Variants in ATP8A2 observed in about 807,000 individuals in gnomAD.
ATP8A2 encodes ATPase phospholipid transporting 8A2.
Under a neutral mutation model 165.6 loss-of-function variants are expected in ATP8A2, and 100 were observed. The observed-to-expected ratio is 0.60, with a 90% CI of 0.51 to 0.71. The LOEUF (loss-of-function observed/expected upper bound fraction) is 0.71, where lower values mean the gene tolerates loss of function less well. Ranked by LOEUF, ATP8A2 falls within the 30% of genes least tolerant of loss-of-function variation. The pLI, the probability that ATP8A2 is intolerant of heterozygous loss-of-function variation, is 0.00. For missense variants in ATP8A2, 1,227 were observed against 1,479.5 expected (o/e 0.83, Z 2.80); for synonymous variants, 543 against 548.8 (o/e 0.99, Z 0.15).
At chr13:25,984,608 AAACAAACAAAAAC>A (rs1301366374) in intron 35 of ATP8A2, among the ~76,000 whole-genome samples, 4 of 149,246 alleles carry the variant, frequency 2.7e-5, no homozygotes, top group African/African-American at 1.0e-4. Context: ...AAAAAAAAAA[AAACAAACAAAAAC>A]AACAAACAAA....
chr13:25,436,951 A>AT (rs1404022897), intron 1 of ATP8A2, among the ~76,000 whole-genome samples: 2 of 151,512 alleles, frequency 1.3e-5, no homozygotes, highest in East Asian at 1.9e-4. Context: ...TAATTTTTGT[A>AT]TTTTTTGTAG....
chr13:25,669,006 T>C (rs58895640), intron 24 of ATP8A2, among the ~76,000 whole-genome samples: 5,318 of 152,316 alleles, frequency 0.035, 157 homozygotes, highest in East Asian at 0.13. Flanking sequence ...AATTTAAAGT[T>C]GTTGTCTAGT....
chr13:26,024,562 C>T lies in ATP8A2; in HGVS notation c.*4577C>T, dbSNP rs574007708. The T allele has an allele frequency of 3.3e-5, 5 of 152,260 alleles. No homozygotes were observed. The highest frequency in any genetic ancestry group is 4.4e-5 in the Non-Finnish European group (3 of 68,094). The allele number at this position is 152,260 out of a possible 1,614,324, so 9.4% of individuals were successfully genotyped here. On this transcript the variant is annotated 3_prime_UTR_variant, in exon 37 of 37. Transcript: ENST00000381655. The stretch of plus-strand genomic sequence containing the variant: ...AGCAGAAAAGAAGGGCGAGCTCCCC[C>T]GCGCCGCACCCCGTGTATAATCCAG...
chr13:25,876,159 C>T (rs1207115537), intron 33 of ATP8A2, among the ~76,000 whole-genome samples: 1 of 152,154 alleles, frequency 6.6e-6, no homozygotes, highest in Non-Finnish European at 1.5e-5. Context: ...TTCTCTGGGG[C>T]ATTGTTCCTC....
intron 30 of ATP8A2, among the ~76,000 whole-genome samples, chr13:25,857,958 C>A (rs1455093692): frequency 6.6e-6 from 1 of 152,168 alleles, no homozygotes; most frequent in African/African-American, 2.4e-5. Flanking sequence ...CTCACTAGAC[C>A]ACAAGCTGTA....
chr13:25,399,879 C>T (rs1265149627), intron 1 of ATP8A2, among the ~76,000 whole-genome samples: 1 of 149,370 alleles, frequency 6.7e-6, no homozygotes, highest in East Asian at 2.0e-4. Flanking sequence ...TCTTCTTCCT[C>T]TTCCTCCTCC....
intron 27 of ATP8A2, among the ~76,000 whole-genome samples, chr13:25,775,343 C>T (rs143437733): frequency 1.3e-5 from 2 of 152,294 alleles, no homozygotes; most frequent in East Asian, 1.9e-4. Context: ...GCCAGGTGAT[C>T]GCTGAGGTGT....
chr13:25,568,223 C>A (rs1376147568), intron 16 of ATP8A2, among the ~76,000 whole-genome samples: 6 of 152,138 alleles, frequency 3.9e-5, no homozygotes, highest in Non-Finnish European at 7.3e-5. Context: ...ATTTATGCAA[C>A]CCCCTGCTTA....
chr13:25,561,874 ATTTGTGTT>A (rs1566271160), intron 15 of ATP8A2, among the ~76,000 whole-genome samples: 2 of 152,090 alleles, frequency 1.3e-5, no homozygotes, highest in Non-Finnish European at 2.9e-5. Context: ...ATTGTGCAGT[ATTTGTGTT>A]TTTGTGTTTG....
chr13:26,014,361 G>A (rs1040693232), intron 36 of ATP8A2, among the ~76,000 whole-genome samples: 1 of 152,182 alleles, frequency 6.6e-6, no homozygotes, highest in Non-Finnish European at 1.5e-5. Flanking sequence ...TGGCAGATTA[G>A]TCTTAAATCC....
chr13:25,465,771 TTCTCTCTTTCTC>T (rs2035649430), intron 1 of ATP8A2, among the ~76,000 whole-genome samples: 14 of 70,846 alleles, frequency 2.0e-4, no homozygotes, highest in South Asian at 5.5e-4. Context: ...CTTTCTCTCT[TTCTCTCTTTCTC>T]TCTTTCTTTC....
chr13:25,860,971 A>G (rs953916489), intron 32 of ATP8A2, 111 bp downstream of exon 32: 16 of 762,606 alleles, frequency 2.1e-5, no homozygotes, highest in South Asian at 1.5e-4. Flanking sequence ...CTTCTTTCAG[A>G]TTTTCTGTGT....
chr13:25,576,702 C>T (rs1339008087), intron 19 of ATP8A2, among the ~76,000 whole-genome samples: 1 of 152,062 alleles, frequency 6.6e-6, no homozygotes, highest in Non-Finnish European at 1.5e-5. Context: ...CACTTTCCTA[C>T]CTACTGGGCA....
chr13:25,584,454 A>T (rs2039863562), intron 23 of ATP8A2, among the ~76,000 whole-genome samples: 1 of 152,182 alleles, frequency 6.6e-6, no homozygotes, highest in Non-Finnish European at 1.5e-5. Context: ...TATCCAGAAG[A>T]TATTTGGGAA....
At chr13:25,513,022 C>T (rs1417115528) in intron 2 of ATP8A2, among the ~76,000 whole-genome samples, 1 of 148,644 alleles carries the variant, frequency 6.7e-6, no homozygotes, top group Non-Finnish European at 1.5e-5. Flanking sequence ...ACCCCCCCCA[C>T]CTCCCTCCCG....
At chr13:26,002,436 G>A (rs1334482333) in intron 35 of ATP8A2, among the ~76,000 whole-genome samples, 3 of 151,670 alleles carry the variant, frequency 2.0e-5, no homozygotes, top group Non-Finnish European at 4.4e-5. Flanking sequence ...GATGGGGGAG[G>A]GATAGCATCA....
intron 7 of ATP8A2, among the ~76,000 whole-genome samples, chr13:25,539,262 AATTTTTAAAAATTTTTTTGTAGAGGCTC>A (rs1235181434): frequency 3.9e-5 from 6 of 151,984 alleles, no homozygotes; most frequent in African/African-American, 2.4e-5. Flanking sequence ...ATGCCTGGCT[AATTTTTAAAAATTTTTTTGTAGAGGCTC>A]ATTTTTAAAA....
In ATP8A2 at chr13:25,564,026, C is replaced by T. The variant is rs367557553; in HGVS notation, c.1468C>T (p.Arg490Cys). 6.2e-6 allele frequency: 10 copies of T among 1,610,916 alleles called. No homozygotes were observed. The South Asian group carries it at 8.8e-5, about 14-fold the overall frequency. Residue 490 changes from arginine to cysteine, a missense_variant, in exon 16 of 37, where the codon CGC becomes TGC. Around this residue, in one of 5 missense-constraint regions of ATP8A2, gnomAD observed 592 missense variants for 785.6 expected, o/e 0.75. Coordinates refer to ENST00000381655, the MANE Select transcript of ATP8A2 (RefSeq NM_016529.6). Reference protein sequence around the residue: ...DPRLLKNIEDRHPTAPCIQEF... With the variant: ...DPRLLKNIEDCHPTAPCIQEF... The stretch of plus-strand genomic sequence containing the variant: ...CAGGCTGTTGAAGAACATTGAGGAT[C>T]GCCATGTAAGTGCTCTGTTTTACTT...
rs12871857 is a variant in ATP8A2, at chr13:25,953,021, C to T, written c.3184-8554C>T. Among the ~76,000 whole-genome samples, 14,789 of 152,220 alleles carry T rather than the reference C, an allele frequency of 0.097. 840 individuals carry two copies. The highest frequency in any genetic ancestry group is 0.13 in the Non-Finnish European group (8,685 of 68,004). The stretch of plus-strand genomic sequence containing the variant: ...TGGAAAGAAATTTTAGGAGGCAACA[C>T]TGAGGGGCAAGGAGGGCTGAGAAGA... On this transcript the variant is annotated intron_variant, in intron 33 of 36. Coordinates refer to ENST00000381655, the MANE Select transcript of ATP8A2 (RefSeq NM_016529.6). This position sits in a 1 kb window ranked among gnomAD's most constrained non-coding sequence, Gnocchi z 6.7.
Sources: gnomAD v4.1 joint callset for allele counts (sites outside exome capture counted in the v4.1 genomes callset) on GRCh38, gnomAD v4.1.1 for gene constraint, gnomAD v4.1.1 regional missense constraint, Gnocchi (gnomAD v3.1) non-coding constraint, MANE v1.5 for transcripts, NCBI Gene and HGNC (gene_info 2026-07-23, HGNC 2026-07-21) for gene names.